The following BCL11B variants were observed in gnomAD, a reference collection of about 807,000 sequenced individuals.
BCL11B encodes B-cell lymphoma/leukemia 11B.
A neutral mutation model predicts 49.9 loss-of-function variants in BCL11B; 8 were observed. The observed-to-expected ratio is 0.16, with a 90% CI of 0.09 to 0.29. The LOEUF (loss-of-function observed/expected upper bound fraction) is 0.29. Ranked by LOEUF, BCL11B falls within the 10% of genes least tolerant of loss-of-function variation. The pLI, the probability that BCL11B is intolerant of heterozygous loss-of-function variation, is 1.00. For missense variants in BCL11B, 1,006 were observed against 1,351.0 expected (o/e 0.74, Z 4.00); for synonymous variants, 739 against 637.4 (o/e 1.16, Z -2.40).
Position 99,170,953 on chromosome 14 carries a change from G to A in BCL11B, c.*3198C>T, listed in dbSNP as rs1404698019. On this transcript the variant is annotated 3_prime_UTR_variant, in exon 4 of 4. Coordinates refer to ENST00000357195, the MANE Select transcript of BCL11B (RefSeq NM_138576.4). ...TCTGCTGGTAAGGGCGGGAGAGGTGGTGGTGGTGACCGCCACAGGAGTGAT... is the reference window on the plus strand; with the variant it reads ...TCTGCTGGTAAGGGCGGGAGAGGTGATGGTGGTGACCGCCACAGGAGTGAT... 2 of 232,664 alleles carry A rather than the reference G, an allele frequency of 8.6e-6. No individual in the cohort carries two copies. The highest frequency in any genetic ancestry group is 1.2e-4 in the East Asian group (2 of 16,528). 14.4% of individuals were successfully genotyped at this position (232,664 alleles called of 1,614,324 possible).
chr14:99,178,898 A>G (rs958406156), intron 3 of BCL11B, among the ~76,000 whole-genome samples: 2 of 151,916 alleles, frequency 1.3e-5, no homozygotes, highest in South Asian at 2.1e-4. Flanking sequence ...CCTTCCCCCA[A>G]TCTCTTTTTC....
At chr14:99,207,132 A>G (rs1386936992) in intron 3 of BCL11B, among the ~76,000 whole-genome samples, 2 of 152,246 alleles carry the variant, frequency 1.3e-5, no homozygotes, top group Non-Finnish European at 1.5e-5. Context: ...TATGCAATGC[A>G]GATTACTAGG....
chr14:99,226,417 C>A (rs570812812), intron 3 of BCL11B, among the ~76,000 whole-genome samples: 1 of 152,206 alleles, frequency 6.6e-6, no homozygotes, highest in Admixed American at 6.5e-5. Flanking sequence ...ATCTAACACC[C>A]TCCTGGAGTG....
intron 3 of BCL11B, among the ~76,000 whole-genome samples, chr14:99,202,773 C>T (rs1014900668): frequency 3.3e-5 from 5 of 152,146 alleles, no homozygotes; most frequent in Non-Finnish European, 7.4e-5. Context: ...ATAGCGAGGC[C>T]GAGGCCACCT....
intron 2 of BCL11B, among the ~76,000 whole-genome samples, chr14:99,236,196 G>A (rs1335410068): frequency 2.6e-5 from 4 of 152,122 alleles, no homozygotes; most frequent in Non-Finnish European, 5.9e-5. Context: ...GAAAGGCAGC[G>A]CCAAATTTCA....
intron 3 of BCL11B, among the ~76,000 whole-genome samples, chr14:99,182,774 A>G (rs1472901748): frequency 6.6e-6 from 1 of 151,450 alleles, no homozygotes; most frequent in African/African-American, 2.4e-5. Context: ...TCATCCCCGC[A>G]CTCTCCCTCC....
At chr14:99,210,269 G>A (rs557481671) in intron 3 of BCL11B, among the ~76,000 whole-genome samples, 47 of 152,264 alleles carry the variant, frequency 3.1e-4, no homozygotes, top group Admixed American at 2.8e-3. Flanking sequence ...CCTTGCAGAA[G>A]AAACAAACAA....
Position 99,269,875 on chromosome 14 carries a change from T to TAA in BCL11B, c.58+1284_58+1285dup, listed in dbSNP as rs56659919. Reference sequence around the variant, plus strand: ...GAGGATGTTTTATTTCTATTGCAGTTAAAAAAAAAAAAAAAAAAAAAAAAA... The same window carrying TAA: ...GAGGATGTTTTATTTCTATTGCAGTTAAAAAAAAAAAAAAAAAAAAAAAAAAA... On this transcript the variant is annotated intron_variant, in intron 1 of 3. Transcript: ENST00000357195. Among the ~76,000 whole-genome samples, 199 of 41,230 alleles carry TAA rather than the reference T, an allele frequency of 4.8e-3. 7 individuals are homozygous for TAA. Among genetic ancestry groups the TAA allele is most frequent in the African/African-American group, 0.01 (71 of 6,922 alleles). 27.0% of individuals were successfully genotyped at this position (41,230 alleles called of 152,430 possible).
intron 3 of BCL11B, among the ~76,000 whole-genome samples, chr14:99,229,119 A>AATGGATGAATGG (rs1888252529): frequency 7.3e-6 from 1 of 137,922 alleles, no homozygotes; most frequent in Non-Finnish European, 1.5e-5. Context: ...TACAGGGATG[A>AATGGATGAATGG]ATGGATGGAT....
At chr14:99,252,915 G>A (rs537390039) in intron 2 of BCL11B, among the ~76,000 whole-genome samples, 10 of 152,360 alleles carry the variant, frequency 6.6e-5, no homozygotes, top group Admixed American at 2.6e-4. Context: ...GGAAATCACC[G>A]TGAGAGAGAT....
chr14:99,271,058 C>T, intron 1 of BCL11B, 103 bp downstream of exon 1: 1 of 1,261,104 alleles, frequency 7.9e-7, no homozygotes, highest in Non-Finnish European at 1.0e-6. Context: ...AGCGGGCGGC[C>T]CCGGCGCCTG....
At chr14:99,191,375 C>A (rs1595231173) in intron 3 of BCL11B, among the ~76,000 whole-genome samples, 1 of 149,830 alleles carries the variant, frequency 6.7e-6, no homozygotes, top group East Asian at 2.0e-4. Flanking sequence ...TAAACACTGG[C>A]TTCCTTGTGG....
At chr14:99,261,843 T>C (rs1385201649) in intron 1 of BCL11B, among the ~76,000 whole-genome samples, 2 of 152,140 alleles carry the variant, frequency 1.3e-5, no homozygotes, top group Admixed American at 1.3e-4. Flanking sequence ...GATTCTGAAA[T>C]GCTAAATCCT....
Position 99,262,855 on chromosome 14 carries a change from G to C in BCL11B, c.59-5016C>G, listed in dbSNP as rs942877691. On this transcript the variant is annotated intron_variant, in intron 1 of 3. Coordinates refer to ENST00000357195, the MANE Select transcript of BCL11B (RefSeq NM_138576.4). The surrounding 1 kb of genome is among the most constrained non-coding windows in gnomAD (Gnocchi z 4.2). ...TCCAAGAGAAAATAACAACCGTAGG[G>C]AGGGGGGAGGAGAAGGGTGGAGGGG... The C allele has an allele frequency of 2.6e-5, 4 of 152,142 alleles. No individual in the cohort carries two copies. Among genetic ancestry groups the C allele is most frequent in the African/African-American group, 9.7e-5 (4 of 41,396 alleles). The allele number at this position is 152,142 out of a possible 1,614,324, so 9.4% of individuals were successfully genotyped here. A position where few individuals can be genotyped will look rare whatever the true frequency, so the allele number is the denominator to read the frequency against.
intron 3 of BCL11B, among the ~76,000 whole-genome samples, chr14:99,188,095 G>T (rs79756567): frequency 6.6e-6 from 1 of 152,152 alleles, no homozygotes; most frequent in Non-Finnish European, 1.5e-5. Context: ...AAAGTGTTCC[G>T]GTCTGCGGGG....
chr14:99,174,958 A>C lies in BCL11B; in HGVS notation c.1878T>G (p.Arg626=), dbSNP rs1198441253. 7.3e-6 allele frequency: 11 copies of C among 1,508,580 alleles called. No homozygotes were observed. In the East Asian group the frequency reaches 8.4e-5, roughly 11 times the overall value. The allele number at this position is 1,508,580 out of a possible 1,614,324, so 93.4% of individuals were successfully genotyped here. A position where few individuals can be genotyped will look rare whatever the true frequency, so the allele number is the denominator to read the frequency against. Residue 626 remains arginine (R), a synonymous_variant, in exon 4 of 4, where the codon CGT becomes CGG. Coordinates refer to ENST00000357195, the MANE Select transcript of BCL11B (RefSeq NM_138576.4). ...DKQKRGAFLK[R]AAGGGDAGDD... is the part of the protein sequence containing the mutation. ...CGCCCGCGTCCCCGCCGCCCGCCGCACGCTTCAGGAAGGCGCCGCGCTTCT... is the reference window on the plus strand; with the variant it reads ...CGCCCGCGTCCCCGCCGCCCGCCGCCCGCTTCAGGAAGGCGCCGCGCTTCT...
chr14:99,250,757 C>A (rs1167775132), intron 2 of BCL11B, among the ~76,000 whole-genome samples: 1 of 152,172 alleles, frequency 6.6e-6, no homozygotes, highest in Non-Finnish European at 1.5e-5. Flanking sequence ...GGGAGCCCAG[C>A]TGCCTTTCTC....
At chr14:99,204,010 TTCC>T (rs1887462560) in intron 3 of BCL11B, among the ~76,000 whole-genome samples, 1 of 152,144 alleles carries the variant, frequency 6.6e-6, no homozygotes, top group Non-Finnish European at 1.5e-5. Flanking sequence ...ATGGAAGGAC[TTCC>T]TCCTCATGGT....
Position 99,271,965 on chromosome 14 carries a change from GGA to G in BCL11B, c.-749_-748del, listed in dbSNP as rs1889703312. ...CTTCCGAGGCTCTGGGGGGACACCA[GGA>G]GAGGCTCCTTCCCAGTTCACCTGGC... On this transcript the variant is annotated 5_prime_UTR_variant, in exon 1 of 4. Coordinates refer to ENST00000357195, the MANE Select transcript of BCL11B (RefSeq NM_138576.4). Among the ~76,000 whole-genome samples the G allele has an allele frequency of 6.6e-6, 1 of 152,024 alleles. No homozygotes were observed. The highest frequency in any genetic ancestry group is 2.1e-4 in the South Asian group (1 of 4,826).
Sources: gnomAD v4.1 joint callset for allele counts (sites outside exome capture counted in the v4.1 genomes callset) on GRCh38, gnomAD v4.1.1 for gene constraint, Gnocchi (gnomAD v3.1) non-coding constraint, MANE v1.5 for transcripts, NCBI Gene and HGNC (gene_info 2026-07-23, HGNC 2026-07-21) for gene names.